Variants in AGBL4 observed in about 807,000 individuals in gnomAD.
AGBL4 encodes AGBL carboxypeptidase 4.
A neutral mutation model predicts 66.4 loss-of-function variants in AGBL4; 58 were observed. The observed-to-expected ratio is 0.87, with a 90% confidence interval of 0.71 to 1.09. The LOEUF (loss-of-function observed/expected upper bound fraction) is 1.09. Ranked by LOEUF, AGBL4 falls within the 50% of genes least tolerant of loss-of-function variation. The probability of loss-of-function intolerance (pLI) is 0.00; values close to 1 mark genes in which losing one functional copy is unlikely to be tolerated. For missense variants in AGBL4, 579 were observed against 631.0 expected (o/e 0.92, Z 0.88); for synonymous variants, 234 against 222.9 (o/e 1.05, Z -0.44).
chr1:49,630,376 T>A (rs1645547729), intron 3 of AGBL4, among the ~76,000 whole-genome samples: 1 of 152,202 alleles, frequency 6.6e-6, no homozygotes, highest in African/African-American at 2.4e-5. Flanking sequence ...AGTCTTCTGG[T>A]AAGTCTTCTG....
intron 3 of AGBL4, among the ~76,000 whole-genome samples, chr1:49,438,098 T>C (rs947039074): frequency 2.6e-5 from 4 of 152,176 alleles, no homozygotes; most frequent in Non-Finnish European, 5.9e-5. Flanking sequence ...TATTACTGAC[T>C]CCATTTTACA....
chr1:48,915,521 T>C (rs1034034772), intron 5 of AGBL4, among the ~76,000 whole-genome samples: 1 of 152,232 alleles, frequency 6.6e-6, no homozygotes, highest in Non-Finnish European at 1.5e-5. Context: ...TCTTGGTCAC[T>C]GTGATATCAC....
intron 2 of AGBL4, among the ~76,000 whole-genome samples, chr1:49,830,750 T>G (rs1645649326): frequency 6.6e-6 from 1 of 152,212 alleles, no homozygotes; most frequent in Non-Finnish European, 1.5e-5. Flanking sequence ...GGTCTTACAT[T>G]TAAGTCTTTA....
intron 9 of AGBL4, among the ~76,000 whole-genome samples, chr1:48,626,886 T>G (rs1645511714): frequency 6.6e-6 from 1 of 152,174 alleles, no homozygotes; most frequent in African/African-American, 2.4e-5. Context: ...GGATGTGATT[T>G]TTAACAGGGG....
At chr1:48,903,535 T>A (rs1364091949) in intron 5 of AGBL4, among the ~76,000 whole-genome samples, 2 of 152,324 alleles carry the variant, frequency 1.3e-5, no homozygotes, top group East Asian at 3.9e-4. Flanking sequence ...CTTAACAGGA[T>A]TTGGACACCA....
chr1:49,544,735 T>G (rs1042096351), intron 3 of AGBL4, among the ~76,000 whole-genome samples: 5 of 152,238 alleles, frequency 3.3e-5, no homozygotes, highest in African/African-American at 1.2e-4. Context: ...TAGTCTGGTG[T>G]ACAGAACTAT....
intron 2 of AGBL4, among the ~76,000 whole-genome samples, chr1:49,799,144 G>A (rs1644799518): frequency 6.6e-6 from 1 of 152,136 alleles, no homozygotes; most frequent in Admixed American, 6.6e-5. Context: ...ACGTCTCGCT[G>A]AAGTTAATTT....
intron 4 of AGBL4, among the ~76,000 whole-genome samples, chr1:49,115,249 G>A (rs1439054604): frequency 1.3e-5 from 2 of 152,122 alleles, no homozygotes; most frequent in Non-Finnish European, 2.9e-5. Flanking sequence ...TTTTACAGAT[G>A]GGAACTTGTT....
At chr1:48,652,492 G>A (rs772666600) in intron 8 of AGBL4, among the ~76,000 whole-genome samples, 70 of 152,270 alleles carry the variant, frequency 4.6e-4, no homozygotes, top group Non-Finnish European at 6.9e-4. Flanking sequence ...AGGAGGTGAG[G>A]CAGGATGGTG....
intron 11 of AGBL4, among the ~76,000 whole-genome samples, chr1:48,581,246 G>A (rs908569342): frequency 4.6e-5 from 7 of 152,172 alleles, no homozygotes; most frequent in Non-Finnish European, 7.3e-5. Flanking sequence ...TTCAGAGGAC[G>A]CAGTGCAAGG....
chr1:48,850,074 C>T (rs1399294780), intron 6 of AGBL4, among the ~76,000 whole-genome samples: 1 of 152,240 alleles, frequency 6.6e-6, no homozygotes, highest in African/African-American at 2.4e-5. Context: ...CTCCCAGCAG[C>T]CCCTGTCTGG....
intron 6 of AGBL4, among the ~76,000 whole-genome samples, chr1:48,746,523 C>G (rs1488615469): frequency 1.3e-5 from 2 of 152,242 alleles, no homozygotes; most frequent in African/African-American, 4.8e-5. Flanking sequence ...TCTTGGCTCT[C>G]AAGAAAAACT....
intron 1 of AGBL4, among the ~76,000 whole-genome samples, chr1:49,861,796 C>T (rs1646579544): frequency 6.6e-6 from 1 of 152,186 alleles, no homozygotes; most frequent in South Asian, 2.1e-4. Context: ...CAAGGTGGTA[C>T]ATCTCTACAA....
At chr1:48,810,875 A>C (rs1646032567) in intron 6 of AGBL4, among the ~76,000 whole-genome samples, 1 of 152,126 alleles carries the variant, frequency 6.6e-6, no homozygotes. Flanking sequence ...TCCAAGTCTC[A>C]AATTTGACCT....
At chr1:48,977,886 A>G (rs1659464773) in intron 5 of AGBL4, among the ~76,000 whole-genome samples, 1 of 152,182 alleles carries the variant, frequency 6.6e-6, no homozygotes, top group Non-Finnish European at 1.5e-5. Flanking sequence ...AACCCAATAA[A>G]GGTTCACTGA....
At chr1:49,239,448 C>T (rs1345117278) in intron 4 of AGBL4, among the ~76,000 whole-genome samples, 1 of 151,658 alleles carries the variant, frequency 6.6e-6, no homozygotes, top group Non-Finnish European at 1.5e-5. Flanking sequence ...TCTAAATGCC[C>T]AGCAATAGGA....
chr1:50,011,081 G>T (rs996001613), intron 1 of AGBL4, among the ~76,000 whole-genome samples: 10 of 151,996 alleles, frequency 6.6e-5, no homozygotes, highest in African/African-American at 2.4e-4. Flanking sequence ...CACAGAGAAG[G>T]AATTCAGAAT....
chr1:49,692,592 C>A (rs1196693524), intron 3 of AGBL4, among the ~76,000 whole-genome samples: 1 of 152,028 alleles, frequency 6.6e-6, no homozygotes, highest in African/African-American at 2.4e-5. Context: ...GTGGCAGGTG[C>A]CTGTGGTCAG....
chr1:48,824,220 T>C (rs768295640), intron 6 of AGBL4, among the ~76,000 whole-genome samples: 1 of 152,166 alleles, frequency 6.6e-6, no homozygotes, highest in Non-Finnish European at 1.5e-5. Context: ...GGGGGAGTCA[T>C]ATATAAGATG....
Sources: allele counts gnomAD v4.1 joint callset (sites outside exome capture counted in the v4.1 genomes callset), GRCh38; gene constraint gnomAD v4.1.1; transcripts MANE v1.5; gene names NCBI Gene and HGNC (gene_info 2026-07-23, HGNC 2026-07-21).